CTNNAL1: variants seen among roughly 807,000 people sequenced by gnomAD.
CTNNAL1 encodes the protein alpha-catulin.
CTNNAL1 carries 69 observed loss-of-function variants against 93.6 expected under a neutral mutation model. That is an observed-to-expected ratio of 0.74 (90% CI 0.61 to 0.90). The LOEUF is 0.90. CTNNAL1 is among the 40% of genes least tolerant of loss of function. The probability of loss-of-function intolerance (pLI) is 0.00; values close to 1 mark genes in which losing one functional copy is unlikely to be tolerated. For synonymous variants in CTNNAL1, 286 were observed against 305.4 expected, an observed-to-expected ratio of 0.94 and a Z score of 0.66; for missense variants, 836 against 862.0, an observed-to-expected ratio of 0.97 and a Z score of 0.38.
chr9:108,950,345 A>T (rs1489915283), intron 14 of CTNNAL1, among the ~76,000 whole-genome samples: 1 of 152,184 alleles, frequency 6.6e-6, no homozygotes, highest in African/African-American at 2.4e-5. Flanking sequence ...TGTTGGGAAG[A>T]CTCAATCACA....
intron 5 of CTNNAL1, among the ~76,000 whole-genome samples, chr9:108,983,587 A>G (rs1194547798): frequency 6.6e-6 from 1 of 152,240 alleles, no homozygotes; most frequent in African/African-American, 2.4e-5. Flanking sequence ...ATCTCTTTTC[A>G]TCATGATTAA....
intron 11 of CTNNAL1, among the ~76,000 whole-genome samples, chr9:108,964,616 TC>T (rs1238367430): frequency 6.6e-5 from 10 of 152,120 alleles, no homozygotes; most frequent in Non-Finnish European, 1.5e-4. Flanking sequence ...GATTATGTAG[TC>T]ATCAAGGAAA....
rs1830928284 is a variant in CTNNAL1, at chr9:108,965,463, A to C, written c.1506T>G (p.Asp502Glu). Reference protein sequence around the residue: ...PSSKIAKENLDVFCEAWESQI... With the variant: ...PSSKIAKENLEVFCEAWESQI... The stretch of plus-strand genomic sequence containing the variant: ...GGGATTCCCAAGCTTCACAAAATAC[A>C]TCTAGGTTTTCTTTAGCAATTTTAC... The change falls in exon 11 of 19, where the codon GAT becomes GAG. Residue 502 changes from aspartate to glutamate, a missense_variant. Transcript: ENST00000325551. The C allele has an allele frequency of 1.3e-6, 2 of 1,596,150 alleles. No homozygotes were observed. The highest frequency in any genetic ancestry group is 1.7e-6 in the Non-Finnish European group (2 of 1,172,314).
intron 1 of CTNNAL1, among the ~76,000 whole-genome samples, chr9:109,003,637 G>C (rs929616249): frequency 1.3e-5 from 2 of 152,150 alleles, no homozygotes; most frequent in Admixed American, 6.5e-5. Context: ...GAACAGGACT[G>C]TATAGCAGTT....
At chr9:108,969,382 G>A (rs1831045836) in intron 10 of CTNNAL1, among the ~76,000 whole-genome samples, 1 of 151,724 alleles carries the variant, frequency 6.6e-6, no homozygotes, top group Non-Finnish European at 1.5e-5. Flanking sequence ...AAATTATAAG[G>A]ACAAATGAAT....
chr9:108,951,425 G>A (rs1291472985), intron 14 of CTNNAL1, among the ~76,000 whole-genome samples: 1 of 152,040 alleles, frequency 6.6e-6, no homozygotes, highest in Admixed American at 6.5e-5. Context: ...TGTGTCCCAC[G>A]GTGGATAACC....
intron 10 of CTNNAL1, among the ~76,000 whole-genome samples, chr9:108,966,370 G>A (rs866878467): frequency 1.3e-5 from 2 of 152,178 alleles, no homozygotes. Flanking sequence ...CTTCCCTCTG[G>A]ATACATAGGA....
chr9:108,957,605 A>G (rs1830716390), intron 11 of CTNNAL1, among the ~76,000 whole-genome samples: 1 of 152,178 alleles, frequency 6.6e-6, no homozygotes, highest in Non-Finnish European at 1.5e-5. Flanking sequence ...TGATTTCAGA[A>G]TGGTGAGGGG....
At chr9:108,961,236 A>G (rs1830814512) in intron 11 of CTNNAL1, among the ~76,000 whole-genome samples, 1 of 152,218 alleles carries the variant, frequency 6.6e-6, no homozygotes, top group Non-Finnish European at 1.5e-5. Context: ...TTTGTATGGA[A>G]AGCAGTGGGC....
At chr9:108,972,862 GGGAGGGTGGAGAAGGA>G in intron 8 of CTNNAL1, 29 bp from the exon 9 acceptor site, 1 of 320,446 alleles carries the variant, frequency 3.1e-6, no homozygotes, top group Non-Finnish European at 5.4e-6. Context: ...GTGGGGGGGT[GGGAGGGTGGAGAAGGA>G]GAAGGGTGAT....
intron 1 of CTNNAL1, among the ~76,000 whole-genome samples, chr9:109,010,458 G>A (rs1226146132): frequency 6.6e-6 from 1 of 152,072 alleles, no homozygotes; most frequent in African/African-American, 2.4e-5. Context: ...CCCCACTCTG[G>A]TTTCTGGCTT....
Position 108,983,289 on chromosome 9 carries a change from T to C in CTNNAL1, c.756A>G (p.Glu252=). The part of the protein sequence containing the change: ...SKTCLRHPNC[E]SAHKNKEGVF... The stretch of plus-strand genomic sequence containing the variant: ...CTCCTTCTTTGTTTTTATGGGCTGA[T>C]TCGCAGTTAGGATGCCTCAGACATG... Residue 252 remains glutamate, a synonymous_variant, in exon 6 of 19, where the codon GAA becomes GAG. Coordinates refer to ENST00000325551, the MANE Select transcript of CTNNAL1 (RefSeq NM_003798.4). The C allele has an allele frequency of 1.3e-6, 2 of 1,560,834 alleles. No homozygotes were observed. The highest frequency in any genetic ancestry group is 1.9e-5 in the Admixed American group (1 of 53,116).
intron 6 of CTNNAL1, 50 bp downstream of exon 6, chr9:108,983,095 T>C (rs559978629): frequency 7.8e-7 from 1 of 1,289,364 alleles, no homozygotes; most frequent in Non-Finnish European, 9.9e-7. Context: ...TAAAATAAAA[T>C]AAAATAAAAT....
Position 108,942,615 on chromosome 9 carries a change from T to G in CTNNAL1, c.*154A>C. The G allele has an allele frequency of 1.7e-6, 1 of 600,236 alleles. No individual in the cohort carries two copies. Among genetic ancestry groups the G allele is most frequent in the African/African-American group, 1.9e-5 (1 of 53,846 alleles). The allele number at this position is 600,236 out of a possible 1,614,324, so 37.2% of individuals were successfully genotyped here. ...GACATTTATTAGTTGTCAAAAAGCT[T>G]TACAATCAGTTTCATGATCAGAAAA... On this transcript the variant is annotated 3_prime_UTR_variant, in exon 19 of 19. Transcript: ENST00000325551.
intron 1 of CTNNAL1, among the ~76,000 whole-genome samples, chr9:109,008,383 G>C (rs1197747473): frequency 6.6e-6 from 1 of 152,138 alleles, no homozygotes; most frequent in Middle Eastern, 3.4e-3. Flanking sequence ...CCGACCTCAG[G>C]TGATCCACCC....
rs34922868 is a variant in CTNNAL1, at chr9:108,952,459, G to C, written c.1665C>G (p.Asp555Glu). The change falls in exon 13 of 19, where the codon GAC (aspartate) becomes GAG (glutamate). Residue 555 changes from aspartate (D) to glutamate (E), a missense_variant. Coordinates refer to ENST00000325551, the MANE Select transcript of CTNNAL1 (RefSeq NM_003798.4). ...TTGGTCTTACCTCAGAGTCAGGCTT[G>C]TCTGGCTTTAATGATTTCAGGTTTG... is the stretch of plus-strand genomic sequence containing the variant. The part of the protein sequence containing the change: ...NNANLKSLKP[D>E]KPDSEEQAKI... The C allele has an allele frequency of 3.7e-6, 6 of 1,614,166 alleles. No homozygotes were observed. Among genetic ancestry groups the C allele is most frequent in the Non-Finnish European group, 5.1e-6 (6 of 1,180,026 alleles).
intron 1 of CTNNAL1, among the ~76,000 whole-genome samples, chr9:108,999,791 G>T (rs1212481668): frequency 6.6e-6 from 1 of 152,092 alleles, no homozygotes; most frequent in Non-Finnish European, 1.5e-5. Flanking sequence ...GCTAAGTTTT[G>T]TTGCATCCGA....
chr9:108,997,131 C>A lies in CTNNAL1; in HGVS notation c.331+1936G>T, dbSNP rs10979647. On this transcript the variant is annotated intron_variant, in intron 2 of 18. Transcript: ENST00000325551. ...TATGAATAGAATAAGGATATCCCCCCCTGCTTCCCACATAAAACCTATTCT... is the reference window on the plus strand; with the variant it reads ...TATGAATAGAATAAGGATATCCCCCACTGCTTCCCACATAAAACCTATTCT... 4.5e-4 allele frequency among the ~76,000 whole-genome samples: 68 copies of A among 152,284 alleles called. No homozygotes were observed. In the East Asian group the frequency reaches 0.012, roughly 26 times the overall value.
At chr9:108,968,202 T>C (rs906897199) in intron 10 of CTNNAL1, among the ~76,000 whole-genome samples, 1 of 152,200 alleles carries the variant, frequency 6.6e-6, no homozygotes, top group African/African-American at 2.4e-5. Flanking sequence ...AAAGGAAGTA[T>C]AAAAATAACA....
Sources: allele counts gnomAD v4.1 joint callset (sites outside exome capture counted in the v4.1 genomes callset), GRCh38; gene constraint gnomAD v4.1.1; transcripts MANE v1.5; gene names NCBI Gene and HGNC (gene_info 2026-07-23, HGNC 2026-07-21).